Variants in HTR1E observed in about 807,000 individuals in gnomAD.
HTR1E encodes 5-HT-1E.
Under a neutral mutation model 3.4 loss-of-function variants are expected in HTR1E, and 3 were observed. The observed-to-expected ratio is 0.89, with a 90% CI of 0.41 to 2.31. The LOEUF (loss-of-function observed/expected upper bound fraction) is 2.31. Ranked by LOEUF, HTR1E falls within the 30% of genes most tolerant of loss-of-function variation. HTR1E has a pLI of 0.05. For synonymous variants in HTR1E, 170 were observed against 182.8 expected (o/e 0.93, Z 0.56); for missense variants, 392 against 467.0 (o/e 0.84, Z 1.48).
rs1380081000 is a variant in HTR1E at position 86,937,681 on chromosome 6, C to A, written c.-328C>A. The A allele has an allele frequency of 6.5e-6, 1 of 152,786 alleles. No homozygotes were observed. The highest frequency in any genetic ancestry group is 1.5e-5 in the Non-Finnish European group (1 of 68,142). The allele number at this position is 152,786 out of a possible 1,614,324, so 9.5% of individuals were successfully genotyped here. A position where few individuals can be genotyped will look rare whatever the true frequency, so the allele number is the denominator to read the frequency against. On this transcript the variant is annotated 5_prime_UTR_variant, in exon 1 of 2. Coordinates refer to ENST00000305344, the MANE Select transcript of HTR1E (RefSeq NM_000865.3). ...GGCGGGGAGAACGCCCTGGGCTCAACGTACTCCAGAATCGAATGTTGAGAG... is the reference window on the plus strand; with the variant it reads ...GGCGGGGAGAACGCCCTGGGCTCAAAGTACTCCAGAATCGAATGTTGAGAG...
intron 1 of HTR1E, among the ~76,000 whole-genome samples, chr6:86,976,976 C>T (rs1005323221): frequency 6.6e-6 from 1 of 152,144 alleles, no homozygotes; most frequent in South Asian, 2.1e-4. Context: ...CTTCTTAGAA[C>T]AATTTTTTTA....
At chr6:86,948,525 A>G (rs1767158309) in intron 1 of HTR1E, among the ~76,000 whole-genome samples, 2 of 152,168 alleles carry the variant, frequency 1.3e-5, no homozygotes, top group Non-Finnish European at 2.9e-5. Flanking sequence ...TATATACACC[A>G]CAGTCTTCTC....
chr6:86,947,840 C>T (rs569877757), intron 1 of HTR1E, among the ~76,000 whole-genome samples: 2 of 151,966 alleles, frequency 1.3e-5, no homozygotes, highest in East Asian at 3.9e-4. Flanking sequence ...AAATCAATTC[C>T]AACAATTGTG....
intron 1 of HTR1E, among the ~76,000 whole-genome samples, chr6:86,989,062 C>T (rs925873219): frequency 6.6e-6 from 1 of 152,118 alleles, no homozygotes; most frequent in East Asian, 1.9e-4. Context: ...TAATTTCCCC[C>T]AAACTAGAGG....
intron 1 of HTR1E, among the ~76,000 whole-genome samples, chr6:87,014,516 T>C (rs915585778): frequency 6.6e-6 from 1 of 152,134 alleles, no homozygotes; most frequent in South Asian, 2.1e-4. Flanking sequence ...TGTATGTTTA[T>C]TGCAGCACTA....
At chr6:87,002,795 T>C (rs567953554) in intron 1 of HTR1E, among the ~76,000 whole-genome samples, 1 of 152,320 alleles carries the variant, frequency 6.6e-6, no homozygotes, top group South Asian at 2.1e-4. Flanking sequence ...CCAGCTGGCT[T>C]CACCTCTCAG....
At chr6:86,988,530 G>A (rs1767827957) in intron 1 of HTR1E, among the ~76,000 whole-genome samples, 1 of 152,148 alleles carries the variant, frequency 6.6e-6, no homozygotes, top group African/African-American at 2.4e-5. Context: ...TGTGCATGCA[G>A]TGGGTTGCAT....
chr6:86,955,727 A>T (rs1767311975), intron 1 of HTR1E, among the ~76,000 whole-genome samples: 1 of 140,844 alleles, frequency 7.1e-6, no homozygotes, highest in African/African-American at 2.8e-5. Context: ...AGTGAGTGAG[A>T]GAGAGTGTGT....
At chr6:86,983,717 C>G (rs1767745501) in intron 1 of HTR1E, among the ~76,000 whole-genome samples, 1 of 152,020 alleles carries the variant, frequency 6.6e-6, no homozygotes, top group East Asian at 1.9e-4. Context: ...ATGGATATCC[C>G]AATCACCCAG....
chr6:86,990,542 A>G (rs1767858671), intron 1 of HTR1E, among the ~76,000 whole-genome samples: 1 of 152,204 alleles, frequency 6.6e-6, no homozygotes, highest in South Asian at 2.1e-4. Context: ...AAACTGGAAC[A>G]ACTTGAGCAA....
chr6:86,940,663 C>A (rs1286791466), intron 1 of HTR1E, among the ~76,000 whole-genome samples: 1 of 152,208 alleles, frequency 6.6e-6, no homozygotes, highest in Non-Finnish European at 1.5e-5. Context: ...ACACACAGAT[C>A]ATTTTTTTCA....
intron 1 of HTR1E, among the ~76,000 whole-genome samples, chr6:87,010,617 TC>T (rs1335237570): frequency 1.4e-5 from 2 of 141,356 alleles, no homozygotes; most frequent in South Asian, 2.5e-4. Flanking sequence ...GCTCCTCACT[TC>T]CTAGATGGGA....
At chr6:86,942,290 T>C (rs1768556658) in intron 1 of HTR1E, among the ~76,000 whole-genome samples, 1 of 152,222 alleles carries the variant, frequency 6.6e-6, no homozygotes, top group Non-Finnish European at 1.5e-5. Flanking sequence ...ACAGTGTAGT[T>C]TGTCATTGTA....
chr6:86,989,006 G>A (rs185701823), intron 1 of HTR1E, among the ~76,000 whole-genome samples: 1 of 152,268 alleles, frequency 6.6e-6, no homozygotes, highest in East Asian at 1.9e-4. Flanking sequence ...TAAGTGTGAT[G>A]AATCACTGAC....
intron 1 of HTR1E, among the ~76,000 whole-genome samples, chr6:86,992,002 C>T (rs2127827954): frequency 6.6e-6 from 1 of 152,230 alleles, no homozygotes; most frequent in Admixed American, 6.5e-5. Flanking sequence ...ACCCTGCCTT[C>T]TAAATTACTT....
chr6:86,943,107 T>C (rs1401442515), intron 1 of HTR1E, among the ~76,000 whole-genome samples: 1 of 152,230 alleles, frequency 6.6e-6, no homozygotes, highest in Non-Finnish European at 1.5e-5. Flanking sequence ...AGTTAATGAT[T>C]ACATAGTATT....
At chr6:86,981,059 A>G (rs1767705031) in intron 1 of HTR1E, among the ~76,000 whole-genome samples, 2 of 152,184 alleles carry the variant, frequency 1.3e-5, no homozygotes, top group Non-Finnish European at 2.9e-5. Flanking sequence ...CTGTCTTTTC[A>G]CTAAGCAGCT....
At chr6:87,001,581 C>T (rs1768024816) in intron 1 of HTR1E, among the ~76,000 whole-genome samples, 1 of 152,090 alleles carries the variant, frequency 6.6e-6, no homozygotes, top group Non-Finnish European at 1.5e-5. Context: ...CTCTGACTGA[C>T]TGAAACTAGG....
At chr6:86,963,067 A>G in intron 1 of HTR1E, among the ~76,000 whole-genome samples, 1 of 152,220 alleles carries the variant, frequency 6.6e-6, no homozygotes, top group East Asian at 1.9e-4. Context: ...AGGAGATGAC[A>G]GCACCATGCA....
Sources: allele counts gnomAD v4.1 joint callset (sites outside exome capture counted in the v4.1 genomes callset), GRCh38; gene constraint gnomAD v4.1.1; transcripts MANE v1.5; gene names NCBI Gene and HGNC (gene_info 2026-07-23, HGNC 2026-07-21).